The following NEURL1 variants were observed in gnomAD, a reference collection of about 807,000 sequenced individuals.
NEURL1 encodes the protein E3 ubiquitin-protein ligase NEURL1.
NEURL1 carries 26 observed loss-of-function variants against 41.2 expected under a neutral mutation model. The observed-to-expected ratio is 0.63, with a 90% CI of 0.46 to 0.87. NEURL1 has a LOEUF of 0.87. Among genes scored for constraint, NEURL1 ranks in the 40% least tolerant of loss-of-function variants. The pLI, the probability that NEURL1 is intolerant of heterozygous loss-of-function variation, is 0.00. For missense variants in NEURL1, 761 were observed against 871.1 expected (o/e 0.87, Z 1.59); for synonymous variants, 400 against 402.3 (o/e 0.99, Z 0.07).
At chr10:103,497,194 C>T (rs770123304) in intron 1 of NEURL1, among the ~76,000 whole-genome samples, 1 of 152,132 alleles carries the variant, frequency 6.6e-6, no homozygotes, top group Non-Finnish European at 1.5e-5. Context: ...GTGTTTATTC[C>T]CAATTCTCTT....
intron 1 of NEURL1, among the ~76,000 whole-genome samples, chr10:103,514,484 C>T (rs1460547295): frequency 6.6e-6 from 1 of 152,148 alleles, no homozygotes; most frequent in African/African-American, 2.4e-5. Context: ...CCCTCCTGCC[C>T]CAGCCTGGGC....
chr10:103,548,614 C>T (rs565250760), intron 1 of NEURL1, among the ~76,000 whole-genome samples: 11 of 152,324 alleles, frequency 7.2e-5, no homozygotes, highest in South Asian at 2.1e-4. Flanking sequence ...TGAGCCACCA[C>T]GCCTGGCTGT....
At chr10:103,497,598 TGATA>T (rs753749239) in intron 1 of NEURL1, among the ~76,000 whole-genome samples, 1 of 152,182 alleles carries the variant, frequency 6.6e-6, no homozygotes, top group South Asian at 2.1e-4. Flanking sequence ...GCCTCTCGGG[TGATA>T]GACTTTGGTC....
At chr10:103,519,770 T>A (rs1056965314) in intron 1 of NEURL1, among the ~76,000 whole-genome samples, 20 of 151,718 alleles carry the variant, frequency 1.3e-4, no homozygotes, top group Non-Finnish European at 2.2e-4. Context: ...GCAATAGTTT[T>A]TTGTTGTTGT....
Position 103,499,411 on chromosome 10 carries a change from T to C in NEURL1, c.85+4939T>C, listed in dbSNP as rs539188580. Among the ~76,000 whole-genome samples the C allele has an allele frequency of 5.5e-4, 80 of 146,382 alleles. 1 individual carries two copies. The highest frequency in any genetic ancestry group is 3.8e-3 in the South Asian group (16 of 4,188). On this transcript the variant is annotated intron_variant, in intron 1 of 5. Coordinates refer to ENST00000369780, the MANE Select transcript of NEURL1 (RefSeq NM_004210.5). The stretch of plus-strand genomic sequence containing the variant: ...TCCCTCCCTCCCTCCTTCCCTCCCT[T>C]CCTTCCTTCCTTCTCTTCTTCCCTC...
At chr10:103,528,450 G>C (rs989877824) in intron 1 of NEURL1, among the ~76,000 whole-genome samples, 2 of 150,940 alleles carry the variant, frequency 1.3e-5, no homozygotes. Context: ...CAGGAGAATC[G>C]CTTGAACCCG....
intron 1 of NEURL1, among the ~76,000 whole-genome samples, chr10:103,501,618 T>TTTATTATTATTATTA (rs58396329): frequency 0.05 from 7,119 of 142,524 alleles, 221 homozygotes; most frequent in East Asian, 0.14. Context: ...TCCCACTTTA[T>TTTATTATTATTATTA]TTATTATTAT....
intron 1 of NEURL1, among the ~76,000 whole-genome samples, chr10:103,553,506 G>A (rs1212838965): frequency 2.0e-5 from 3 of 152,150 alleles, no homozygotes; most frequent in African/African-American, 4.8e-5. Flanking sequence ...CCCGGAAGTC[G>A]TGGGCATGCC....
Position 103,590,175 on chromosome 10 carries a change from G to A in NEURL1, c.1528G>A (p.Val510Met). The change falls in exon 6 of 6, where the codon GTG becomes ATG. Residue 510 changes from valine to methionine, a missense_variant. Val to Met is a conservative substitution (Grantham distance 21, BLOSUM62 1). Around this residue, in one of 5 missense-constraint regions of NEURL1, gnomAD observed 443 missense variants for 408.1 expected, o/e 1.09. Transcript: ENST00000369780. ...GCCAGTGAGCCTGCCCGAGTCGCCA[G>A]TGACCCCAGGTCTGGGCCAGTGGAG... ...NSPVSLPESP[V>M]TPGLGQWSDE... 6.2e-7 allele frequency: 1 copy of A among 1,614,190 alleles called. No homozygotes were observed. Among genetic ancestry groups the A allele is most frequent in the Non-Finnish European group, 8.5e-7 (1 of 1,180,042 alleles).
At chr10:103,507,948 G>A (rs925247144) in intron 1 of NEURL1, among the ~76,000 whole-genome samples, 1 of 152,202 alleles carries the variant, frequency 6.6e-6, no homozygotes, top group Non-Finnish European at 1.5e-5. Context: ...AGCCGGGACA[G>A]GCCAAGGTTG....
At chr10:103,536,492 C>T (rs1259770888) in intron 1 of NEURL1, among the ~76,000 whole-genome samples, 7 of 152,160 alleles carry the variant, frequency 4.6e-5, no homozygotes, top group African/African-American at 1.4e-4. Flanking sequence ...TGCAGTGAGC[C>T]GAGATTGCAC....
intron 3 of NEURL1, among the ~76,000 whole-genome samples, chr10:103,573,353 C>T (rs932255903): frequency 1.3e-5 from 2 of 152,124 alleles, no homozygotes; most frequent in Non-Finnish European, 2.9e-5. Flanking sequence ...GCTACAGAGA[C>T]CGGCAGATCC....
intron 1 of NEURL1, chr10:103,511,633 G>A (rs1238002564): frequency 6.6e-6 from 1 of 152,120 alleles, no homozygotes; most frequent in Non-Finnish European, 1.5e-5. Flanking sequence ...GCCATCGTTG[G>A]GCTCATCCTT....
intron 1 of NEURL1, among the ~76,000 whole-genome samples, chr10:103,507,338 T>A (rs1490464808): frequency 6.6e-6 from 1 of 151,998 alleles, no homozygotes; most frequent in Non-Finnish European, 1.5e-5. Flanking sequence ...ATCACTTAGA[T>A]GTGCTAGTAG....
rs189110172 is a variant in NEURL1, at chr10:103,591,821, G to C, written c.*1449G>C. ...ACGTCAAACTTCCAGGAGGGCCAGT[G>C]TTCCTAGTGTGGGCCAGGAACAGGA... On this transcript the variant is annotated 3_prime_UTR_variant, in exon 6 of 6. Transcript: ENST00000369780. 6.6e-6 allele frequency: 1 copy of C among 152,446 alleles called. No individual in the cohort carries two copies. Among genetic ancestry groups the C allele is most frequent in the East Asian group, 1.9e-4 (1 of 5,184 alleles). 9.4% of individuals were successfully genotyped at this position (152,446 alleles called of 1,614,324 possible).
intron 1 of NEURL1, among the ~76,000 whole-genome samples, chr10:103,565,246 C>T (rs1048277482): frequency 5.9e-5 from 9 of 152,118 alleles, no homozygotes; most frequent in Non-Finnish European, 1.0e-4. Context: ...AGGAGATGCC[C>T]AGCACACCAG....
chr10:103,574,428 A>T (rs1472692602), intron 3 of NEURL1, among the ~76,000 whole-genome samples: 1 of 152,222 alleles, frequency 6.6e-6, no homozygotes, highest in African/African-American at 2.4e-5. Flanking sequence ...GGCCCACGCA[A>T]GGCCTGGCTT....
chr10:103,559,675 G>T (rs1024908010), intron 1 of NEURL1, among the ~76,000 whole-genome samples: 5 of 152,184 alleles, frequency 3.3e-5, no homozygotes, highest in African/African-American at 1.2e-4. Flanking sequence ...AATTGGGAAG[G>T]GTAAGTTTTA....
chr10:103,588,305 CAAAA>C (rs10678308), intron 4 of NEURL1, among the ~76,000 whole-genome samples: 1 of 115,876 alleles, frequency 8.6e-6, no homozygotes. Flanking sequence ...GACTCCGTCT[CAAAA>C]AAAAAAAAAA....
Sources: gnomAD v4.1 joint callset for allele counts (sites outside exome capture counted in the v4.1 genomes callset) on GRCh38, gnomAD v4.1.1 for gene constraint, gnomAD v4.1.1 regional missense constraint, MANE v1.5 for transcripts, NCBI Gene and HGNC (gene_info 2026-07-23, HGNC 2026-07-21) for gene names.